Variants in NBEA observed in about 807,000 individuals in gnomAD.
NBEA encodes the protein lysosomal-trafficking regulator 2.
Under a neutral mutation model 343.4 loss-of-function variants are expected in NBEA, and 44 were observed. The observed-to-expected ratio is 0.13, with a 90% CI of 0.10 to 0.16. The LOEUF (loss-of-function observed/expected upper bound fraction) is 0.16, where lower values mean the gene tolerates loss of function less well. Among genes scored for constraint, NBEA ranks in the 10% least tolerant of loss-of-function variants. The pLI is 1.00. For synonymous variants in NBEA, 1,175 were observed against 1,238.7 expected (o/e 0.95, Z 1.08); for missense variants, 2,555 against 3,631.3 (o/e 0.70, Z 7.62).
chr13:34,962,353 TTA>T (rs2152492270), intron 1 of NBEA, among the ~76,000 whole-genome samples: 1 of 152,200 alleles, frequency 6.6e-6, no homozygotes, highest in East Asian at 1.9e-4. Flanking sequence ...GGTTTTCTGG[TTA>T]TATGTCAGTA....
chr13:35,541,782 A>G (rs1243638739), intron 41 of NBEA, among the ~76,000 whole-genome samples: 1 of 145,054 alleles, frequency 6.9e-6, no homozygotes, highest in Non-Finnish European at 1.5e-5. Flanking sequence ...GTCTGTACAC[A>G]TGCACAAAAA....
At chr13:34,983,244 A>G (rs148482418) in intron 1 of NBEA, among the ~76,000 whole-genome samples, 3,816 of 152,158 alleles carry the variant, frequency 0.025, 107 homozygotes, top group South Asian at 0.11. Flanking sequence ...ACACTGTTCA[A>G]TTCCCACCTA....
intron 38 of NBEA, among the ~76,000 whole-genome samples, chr13:35,388,100 C>T (rs1229243226): frequency 6.6e-6 from 1 of 152,036 alleles, no homozygotes; most frequent in Non-Finnish European, 1.5e-5. Context: ...TCAATTATTC[C>T]TGACCTATGC....
In NBEA at chr13:35,184,015, A is replaced by G. The variant is rs773854578; in HGVS notation, c.4871A>G (p.His1624Arg). Residue 1624 changes from histidine (H) to arginine (R), a missense_variant, in exon 30 of 59, where the codon CAT becomes CGT. Coordinates refer to ENST00000379939, the MANE Select transcript of NBEA (RefSeq NM_001385012.1). Reference sequence around the variant, plus strand: ...TCTATCCCTCATCCAAGTTTGAACCATGGATTCCTTGCCAAGTTAATTCCT... The same window carrying G: ...TCTATCCCTCATCCAAGTTTGAACCGTGGATTCCTTGCCAAGTTAATTCCT... ...IPSIPHPSLNHGFLAKLIPEQ... is the reference protein window; with the variant it reads ...IPSIPHPSLNRGFLAKLIPEQ... 6.2e-6 allele frequency: 10 copies of G among 1,611,758 alleles called. No individual in the cohort carries two copies. In the South Asian group the frequency reaches 6.6e-5, roughly 11 times the overall value.
chr13:35,159,649 C>A lies in NBEA; in HGVS notation c.3478C>A (p.Pro1160Thr). The A allele has an allele frequency of 6.2e-7, 1 of 1,611,026 alleles. No homozygotes were observed. The highest frequency in any genetic ancestry group is 8.5e-7 in the Non-Finnish European group (1 of 1,178,674). The change falls in exon 22 of 59, where the codon CCT (proline) becomes ACT (threonine). Residue 1160 changes from proline (P) to threonine (T), a missense_variant. By Grantham distance (38) the Pro-to-Thr change is conservative (BLOSUM62 -1). Transcript: ENST00000379939. ...ACCCAAACAGGAGGAAAAACTACTT[C>A]CTGAACTTTCTAGCAATCACATTAT... Reference protein sequence around the residue: ...KIPKQEEKLLPELSSNHIIPN... With the variant: ...KIPKQEEKLLTELSSNHIIPN...
chr13:35,110,387 G>A (rs997968157), intron 12 of NBEA, among the ~76,000 whole-genome samples: 6 of 151,862 alleles, frequency 4.0e-5, no homozygotes, highest in African/African-American at 7.3e-5. Context: ...TGAACTTTTA[G>A]GATATATGAC....
chr13:35,318,528 T>C (rs939063339), intron 36 of NBEA, among the ~76,000 whole-genome samples: 1 of 152,172 alleles, frequency 6.6e-6, no homozygotes, highest in African/African-American at 2.4e-5. Context: ...GATTTTTGCA[T>C]TGGTGTTCAT....
chr13:35,587,859 A>G (rs1375224227), intron 46 of NBEA, among the ~76,000 whole-genome samples: 1 of 152,160 alleles, frequency 6.6e-6, no homozygotes, highest in Non-Finnish European at 1.5e-5. Context: ...CTGCACATTT[A>G]TCCTACACAT....
At chr13:35,156,624 G>A (rs1054775640) in intron 20 of NBEA, among the ~76,000 whole-genome samples, 2 of 152,054 alleles carry the variant, frequency 1.3e-5, no homozygotes, top group East Asian at 1.9e-4. Flanking sequence ...TAAAGTCTGA[G>A]GCCATGAACT....
chr13:35,373,166 A>G (rs1471210909), intron 38 of NBEA, among the ~76,000 whole-genome samples: 2 of 151,814 alleles, frequency 1.3e-5, no homozygotes, highest in Non-Finnish European at 2.9e-5. Flanking sequence ...GCTGCCTCAC[A>G]TCCCTCTCCT....
chr13:35,370,163 G>T (rs751977491), intron 38 of NBEA, among the ~76,000 whole-genome samples: 1 of 151,742 alleles, frequency 6.6e-6, no homozygotes, highest in Non-Finnish European at 1.5e-5. Context: ...GGAGTCTATC[G>T]CTCCCTTTAG....
At chr13:35,534,997 A>C (rs916925683) in intron 41 of NBEA, among the ~76,000 whole-genome samples, 6 of 152,208 alleles carry the variant, frequency 3.9e-5, no homozygotes, top group Non-Finnish European at 7.3e-5. Flanking sequence ...GAAAAAAATA[A>C]TCCTGGGGCA....
intron 11 of NBEA, among the ~76,000 whole-genome samples, chr13:35,107,390 A>G (rs1264392473): frequency 6.6e-6 from 1 of 151,706 alleles, no homozygotes; most frequent in Non-Finnish European, 1.5e-5. Flanking sequence ...GCTATTGCTT[A>G]TGTAGTAAGC....
intron 55 of NBEA, among the ~76,000 whole-genome samples, chr13:35,660,511 C>T (rs1488634098): frequency 6.6e-6 from 1 of 152,144 alleles, no homozygotes; most frequent in Non-Finnish European, 1.5e-5. Flanking sequence ...GGGCATTATG[C>T]AGACTGTCAA....
chr13:35,184,867 G>A (rs1455844972), intron 30 of NBEA, among the ~76,000 whole-genome samples: 2 of 152,108 alleles, frequency 1.3e-5, no homozygotes, highest in African/African-American at 4.8e-5. Flanking sequence ...GTAGAATTCT[G>A]TGATAGCTCC....
intron 11 of NBEA, among the ~76,000 whole-genome samples, chr13:35,098,628 A>G (rs1476403629): frequency 3.3e-5 from 5 of 152,298 alleles, no homozygotes; most frequent in African/African-American, 9.6e-5. Flanking sequence ...AAAAATTTAC[A>G]TCTATATCTA....
intron 41 of NBEA, among the ~76,000 whole-genome samples, chr13:35,482,681 A>G (rs1211826600): frequency 1.3e-5 from 2 of 151,022 alleles, no homozygotes; most frequent in African/African-American, 4.8e-5. Context: ...TTTTTCTGTG[A>G]AATTTATTTT....
chr13:35,555,920 A>T (rs1038403614), intron 44 of NBEA, among the ~76,000 whole-genome samples: 1 of 152,090 alleles, frequency 6.6e-6, no homozygotes, highest in Non-Finnish European at 1.5e-5. Flanking sequence ...TAAAAATATA[A>T]CTATGTAATA....
intron 38 of NBEA, among the ~76,000 whole-genome samples, chr13:35,394,476 A>C (rs931022863): frequency 6.6e-6 from 1 of 152,130 alleles, no homozygotes; most frequent in African/African-American, 2.4e-5. Flanking sequence ...AGTAGTTGTA[A>C]AGATTTTCCA....
Sources: gnomAD v4.1 joint callset for allele counts (sites outside exome capture counted in the v4.1 genomes callset) on GRCh38, gnomAD v4.1.1 for gene constraint, MANE v1.5 for transcripts, NCBI Gene and HGNC (gene_info 2026-07-23, HGNC 2026-07-21) for gene names.